CSMD1: variants seen among roughly 807,000 people sequenced by gnomAD.
CSMD1 encodes CUB and Sushi multiple domains 1.
In CSMD1, 213 loss-of-function variants were observed where a neutral mutation model predicts 417.5. The ratio of observed to expected loss-of-function variants is 0.51; its 90% CI spans 0.46 to 0.57. The LOEUF (loss-of-function observed/expected upper bound fraction) is 0.57, where lower values mean the gene tolerates loss of function less well. CSMD1 is among the 20% of genes least tolerant of loss of function. The pLI, the probability that CSMD1 is intolerant of heterozygous loss-of-function variation, is 0.00. For synonymous variants in CSMD1, 2,862 were observed against 1,736.8 expected, an observed-to-expected ratio of 1.65 and a Z score of -16.11; for missense variants, 6,923 against 4,529.7, an observed-to-expected ratio of 1.53 and a Z score of -15.17.
rs561303310 is a variant in CSMD1, at chr8:4,430,138, C to G, written c.303-10073G>C. On this transcript the variant is annotated intron_variant, in intron 2 of 69. Transcript: ENST00000635120. ...AATAAAGCTAAATGTGCTGATTCCA[C>G]AAAGCAAATCTATGTCAGAATCTAT... Among the ~76,000 whole-genome samples, 4 of 152,272 alleles carry G rather than the reference C, an allele frequency of 2.6e-5. No homozygotes were observed. In the East Asian group the frequency reaches 7.7e-4, roughly 29 times the overall value.
chr8:3,051,760 T>A (rs956404788), intron 50 of CSMD1, among the ~76,000 whole-genome samples: 1 of 152,216 alleles, frequency 6.6e-6, no homozygotes, highest in Non-Finnish European at 1.5e-5. Flanking sequence ...TATTTCCAAT[T>A]TGAGTCTAGT....
intron 5 of CSMD1, among the ~76,000 whole-genome samples, chr8:3,818,669 G>A (rs1202243110): frequency 6.6e-6 from 1 of 152,190 alleles, no homozygotes; most frequent in Non-Finnish European, 1.5e-5. Flanking sequence ...TGACAGCAAT[G>A]ATGACCTTCT....
At chr8:4,613,891 A>G (rs953873186) in intron 2 of CSMD1, among the ~76,000 whole-genome samples, 3 of 150,732 alleles carry the variant, frequency 2.0e-5, no homozygotes, top group Admixed American at 2.0e-4. Context: ...ACGTTCCTCA[A>G]TCACTCCATC....
intron 38 of CSMD1, 73 bp from the exon 39 acceptor site, chr8:3,158,039 A>G: frequency 8.4e-7 from 1 of 1,196,310 alleles, no homozygotes; most frequent in Non-Finnish European, 1.2e-6. Context: ...GTTTGAGAAT[A>G]TCTGCATTTT....
chr8:3,643,049 G>T (rs540681568), intron 7 of CSMD1, among the ~76,000 whole-genome samples: 1 of 152,220 alleles, frequency 6.6e-6, no homozygotes, highest in East Asian at 1.9e-4. Flanking sequence ...AAAAAATCCT[G>T]TGCATGTGAG....
chr8:4,198,898 T>C (rs1240255160), intron 3 of CSMD1, among the ~76,000 whole-genome samples: 1 of 152,094 alleles, frequency 6.6e-6, no homozygotes, highest in Non-Finnish European at 1.5e-5. Flanking sequence ...TTAAAACTAT[T>C]TTTACTTTCC....
At chr8:4,278,615 G>A (rs568279980) in intron 3 of CSMD1, among the ~76,000 whole-genome samples, 1 of 152,110 alleles carries the variant, frequency 6.6e-6, no homozygotes, top group Admixed American at 6.5e-5. Flanking sequence ...TTCATGAATG[G>A]AAACTCAAAT....
rs78782658 is a variant in CSMD1 at position 3,839,694 on chromosome 8, T to C, written c.819-85652A>G. On this transcript the variant is annotated intron_variant, in intron 5 of 69. Coordinates refer to ENST00000635120, the MANE Select transcript of CSMD1 (RefSeq NM_033225.6). ...GAATCTATCTCCTTCATTTGGGAGC[T>C]GTTGTGGAGAATGAACAAGTCTCTT... Among the ~76,000 whole-genome samples, 2,978 of 148,080 alleles carry C rather than the reference T, an allele frequency of 0.02. 289 individuals carry two copies. In the East Asian group the frequency reaches 0.27, roughly 13 times the overall value.
At chr8:4,075,910 C>T (rs937742787) in intron 3 of CSMD1, among the ~76,000 whole-genome samples, 3 of 152,124 alleles carry the variant, frequency 2.0e-5, no homozygotes, top group African/African-American at 4.8e-5. Flanking sequence ...TTTCCCAATC[C>T]ACTGGTACTT....
intron 25 of CSMD1, among the ~76,000 whole-genome samples, chr8:3,295,314 C>G (rs955382437): frequency 1.3e-5 from 2 of 151,790 alleles, no homozygotes; most frequent in Admixed American, 6.6e-5. Flanking sequence ...TTTTAGTAGA[C>G]ACGGGGTTTC....
chr8:4,607,773 G>C (rs779699336), intron 2 of CSMD1, among the ~76,000 whole-genome samples: 1 of 152,124 alleles, frequency 6.6e-6, no homozygotes, highest in Non-Finnish European at 1.5e-5. Flanking sequence ...ACTCTCTCTT[G>C]AGTAAATCCT....
At chr8:3,460,467 T>C (rs1281165770) in intron 12 of CSMD1, among the ~76,000 whole-genome samples, 3 of 152,094 alleles carry the variant, frequency 2.0e-5, no homozygotes, top group African/African-American at 7.2e-5. Context: ...CTATGTTCAT[T>C]TTTTTAAAAA....
intron 21 of CSMD1, among the ~76,000 whole-genome samples, chr8:3,354,999 A>G (rs1434419388): frequency 2.0e-5 from 3 of 147,002 alleles, no homozygotes; most frequent in Admixed American, 6.7e-5. Context: ...AACTAGATAT[A>G]AATTAAATTA....
chr8:3,606,108 C>T (rs961579939), intron 8 of CSMD1, among the ~76,000 whole-genome samples: 21 of 152,234 alleles, frequency 1.4e-4, no homozygotes, highest in African/African-American at 3.6e-4. Context: ...ACGTTGAAAT[C>T]GGGAAATGAC....
chr8:4,237,635 C>CG (rs1802147511), intron 3 of CSMD1, among the ~76,000 whole-genome samples: 8 of 151,954 alleles, frequency 5.3e-5, no homozygotes, highest in African/African-American at 1.9e-4. Flanking sequence ...CCTGCCTCAC[C>CG]CTTTCTAGTA....
At chr8:3,443,941 G>C (rs1815148572) in intron 12 of CSMD1, among the ~76,000 whole-genome samples, 1 of 152,176 alleles carries the variant, frequency 6.6e-6, no homozygotes, top group Non-Finnish European at 1.5e-5. Flanking sequence ...ACCTTTATCA[G>C]AGTTACTGAG....
intron 1 of CSMD1, among the ~76,000 whole-genome samples, chr8:4,979,379 A>C (rs1267167244): frequency 6.6e-6 from 1 of 152,222 alleles, no homozygotes; most frequent in Non-Finnish European, 1.5e-5. Flanking sequence ...AGTGTCAAGA[A>C]GTTTAACATT....
chr8:4,048,087 T>C (rs185205863), intron 3 of CSMD1, among the ~76,000 whole-genome samples: 5 of 152,310 alleles, frequency 3.3e-5, no homozygotes, highest in South Asian at 2.1e-4. Flanking sequence ...TCCTAATTGA[T>C]AAGTATCTCA....
chr8:3,501,094 T>C (rs892524961), intron 10 of CSMD1, among the ~76,000 whole-genome samples: 6 of 152,174 alleles, frequency 3.9e-5, no homozygotes, highest in African/African-American at 7.2e-5. Context: ...TAAAATATAC[T>C]ATATAGTTTC....
Sources: gnomAD v4.1 joint callset for allele counts (sites outside exome capture counted in the v4.1 genomes callset) on GRCh38, gnomAD v4.1.1 for gene constraint, MANE v1.5 for transcripts, NCBI Gene and HGNC (gene_info 2026-07-23, HGNC 2026-07-21) for gene names.